The following PSME4 variants were observed in gnomAD, a reference collection of about 807,000 sequenced individuals.
The protein encoded by PSME4 is proteasome activator subunit 4, also known as proteasome activator complex subunit 4.
PSME4 carries 89 observed loss-of-function variants against 253.9 expected under a neutral mutation model. The observed-to-expected ratio is 0.35, with a 90% CI of 0.30 to 0.42. PSME4 has a LOEUF of 0.42. PSME4 is among the 10% of genes least tolerant of loss of function. The pLI, the probability that PSME4 is intolerant of heterozygous loss-of-function variation, is 1.00. For missense variants in PSME4, 2,014 were observed against 2,195.2 expected, an observed-to-expected ratio of 0.92 and a Z score of 1.65; for synonymous variants, 851 against 759.2, an observed-to-expected ratio of 1.12 and a Z score of -1.99.
At chr2:53,891,084 T>A (rs1457311591) in intron 36 of PSME4, among the ~76,000 whole-genome samples, 1 of 152,196 alleles carries the variant, frequency 6.6e-6, no homozygotes, top group African/African-American at 2.4e-5. Flanking sequence ...AAATCTTGTA[T>A]AATAGTACGC....
At chr2:53,965,177 C>G (rs938422229) in intron 1 of PSME4, among the ~76,000 whole-genome samples, 1 of 152,074 alleles carries the variant, frequency 6.6e-6, no homozygotes, top group Non-Finnish European at 1.5e-5. Flanking sequence ...ATTCTCCATC[C>G]TTTTCCCGCC....
At chr2:53,868,564 A>G (rs28424202) in intron 44 of PSME4, among the ~76,000 whole-genome samples, 5 of 124,194 alleles carry the variant, frequency 4.0e-5, no homozygotes, top group Admixed American at 1.8e-4. Context: ...TAATATATAT[A>G]ATATATATTA....
At chr2:53,866,607 A>T in intron 45 of PSME4, 140 bp downstream of exon 45, 1 of 888,434 alleles carries the variant, frequency 1.1e-6, no homozygotes, top group Non-Finnish European at 1.6e-6. Flanking sequence ...TTTAATAATT[A>T]CTGGTGAGCA....
intron 11 of PSME4, among the ~76,000 whole-genome samples, 180 bp downstream of exon 11, chr2:53,927,937 A>G (rs2104456786): frequency 6.6e-6 from 1 of 152,318 alleles, no homozygotes; most frequent in Non-Finnish European, 1.5e-5. Flanking sequence ...GTGACAGACC[A>G]AGACTCCGTC....
intron 44 of PSME4, among the ~76,000 whole-genome samples, chr2:53,868,321 G>A (rs967548824): frequency 3.3e-5 from 5 of 150,822 alleles, no homozygotes; most frequent in Admixed American, 6.6e-5. Flanking sequence ...GTGTAGTAGC[G>A]CGCGCCTGCA....
intron 26 of PSME4, among the ~76,000 whole-genome samples, chr2:53,904,478 G>A (rs115002643): frequency 0.01 from 1,526 of 152,154 alleles, 26 homozygotes; most frequent in African/African-American, 0.035. Flanking sequence ...TTTTTATTCT[G>A]AATTATTCTA....
intron 31 of PSME4, among the ~76,000 whole-genome samples, chr2:53,897,167 G>GTT (rs1056577962): frequency 0.085 from 10,320 of 122,100 alleles, 573 homozygotes; most frequent in East Asian, 0.24. Flanking sequence ...TAGCCTCAGG[G>GTT]TTTTTTTTTT....
chr2:53,908,141 A>G, intron 24 of PSME4, 179 bp downstream of exon 24: 1 of 553,352 alleles, frequency 1.8e-6, no homozygotes, highest in Non-Finnish European at 3.1e-6. Flanking sequence ...TAAGAAAAAT[A>G]TATTTTTTGC....
intron 1 of PSME4, among the ~76,000 whole-genome samples, chr2:53,965,632 C>A (rs1190134934): frequency 2.7e-5 from 4 of 150,634 alleles, no homozygotes; most frequent in Non-Finnish European, 4.4e-5. Flanking sequence ...CCTGAGGAAT[C>A]CAATTTCAAG....
At chr2:53,881,232 G>A (rs1679376592) in intron 41 of PSME4, among the ~76,000 whole-genome samples, 1 of 152,086 alleles carries the variant, frequency 6.6e-6, no homozygotes, top group African/African-American at 2.4e-5. Flanking sequence ...TTTTTCTAAA[G>A]AAATACCAAC....
At chr2:53,869,703 A>G in intron 43 of PSME4, 165 bp from the exon 44 acceptor site, 1 of 471,636 alleles carries the variant, frequency 2.1e-6, no homozygotes, top group Non-Finnish European at 3.6e-6. Context: ...GCAGATTCTC[A>G]AAGAGTTTGT....
At chr2:53,937,888 A>G (rs1422426746) in intron 4 of PSME4, among the ~76,000 whole-genome samples, 30 of 152,122 alleles carry the variant, frequency 2.0e-4, no homozygotes, top group Non-Finnish European at 5.9e-5. Flanking sequence ...AGCTACTCAG[A>G]AAGCTGGGGT....
intron 17 of PSME4, among the ~76,000 whole-genome samples, chr2:53,921,338 T>C (rs1229217595): frequency 6.6e-6 from 1 of 151,468 alleles, no homozygotes; most frequent in Non-Finnish European, 1.5e-5. Context: ...AAAGAGTCTA[T>C]TCTATTCAAG....
At position 53,970,876 on chromosome 2, in the gene PSME4, C is replaced by A; in HGVS notation, c.-92G>T. 1.7e-6 allele frequency: 2 copies of A among 1,172,650 alleles called. No homozygotes were observed. The highest frequency in any genetic ancestry group is 2.3e-6 in the Non-Finnish European group (2 of 880,566). The allele number at this position is 1,172,650 out of a possible 1,614,324, so 72.6% of individuals were successfully genotyped here. On this transcript the variant is annotated 5_prime_UTR_variant, in exon 1 of 47. Coordinates refer to ENST00000404125, the MANE Select transcript of PSME4 (RefSeq NM_014614.3). The stretch of plus-strand genomic sequence containing the variant: ...CTCCGCCTCCTCCGCGTCTTCGTCG[C>A]CCTGCGGCCGCTGGCGGCCCGTCGC...
Position 53,963,006 on chromosome 2 carries a change from T to C in PSME4, c.242+7537A>G, listed in dbSNP as rs372782131. Among the ~76,000 whole-genome samples the C allele has an allele frequency of 2.5e-4, 35 of 141,534 alleles. 1 individual carries two copies. The South Asian group carries it at 7.5e-3, about 30-fold the overall frequency. 92.9% of individuals were successfully genotyped at this position (141,534 alleles called of 152,430 possible). On this transcript the variant is annotated intron_variant, in intron 1 of 46. Coordinates refer to ENST00000404125, the MANE Select transcript of PSME4 (RefSeq NM_014614.3). ...GCCTGGGTAACAGAGCGAGACTCAG[T>C]GTCAAAAAAAAAAAAAAAAGGACAC...
At chr2:53,968,807 T>C (rs201268458) in intron 1 of PSME4, among the ~76,000 whole-genome samples, 49 of 152,242 alleles carry the variant, frequency 3.2e-4, no homozygotes, top group African/African-American at 1.1e-3. Flanking sequence ...TACAAACTTT[T>C]ATCTAATAAG....
At chr2:53,868,938 C>T (rs991844493) in intron 44 of PSME4, among the ~76,000 whole-genome samples, 2 of 151,952 alleles carry the variant, frequency 1.3e-5, no homozygotes, top group African/African-American at 4.8e-5. Context: ...GCAATGACTC[C>T]GCACCCTCTC....
At chr2:53,932,190 T>C in intron 9 of PSME4, 90 bp from the exon 10 acceptor site, 1 of 1,236,972 alleles carries the variant, frequency 8.1e-7, no homozygotes, top group African/African-American at 1.5e-5. Flanking sequence ...AGAAAAGATT[T>C]TAAAAATAAC....
At chr2:53,935,548 T>C (rs1379760830) in intron 7 of PSME4, among the ~76,000 whole-genome samples, 1 of 152,188 alleles carries the variant, frequency 6.6e-6, no homozygotes, top group Admixed American at 6.5e-5. Flanking sequence ...AGAAAATATA[T>C]ACTGTGATCT....
Sources: gnomAD v4.1 joint callset for allele counts (sites outside exome capture counted in the v4.1 genomes callset) on GRCh38, gnomAD v4.1.1 for gene constraint, MANE v1.5 for transcripts, NCBI Gene and HGNC (gene_info 2026-07-23, HGNC 2026-07-21) for gene names.